The following CSMD1 variants were observed in gnomAD, a reference collection of about 807,000 sequenced individuals.
CSMD1 encodes CUB and sushi domain-containing protein 1.
In CSMD1, 213 loss-of-function variants were observed where a neutral mutation model predicts 417.5. The ratio of observed to expected loss-of-function variants is 0.51; its 90% confidence interval spans 0.46 to 0.57. CSMD1 has a LOEUF of 0.57. CSMD1 is among the 20% of genes least tolerant of loss of function. The pLI, the probability that CSMD1 is intolerant of heterozygous loss-of-function variation, is 0.00. For missense variants in CSMD1, 6,923 were observed against 4,529.7 expected (o/e 1.53, Z -15.17); for synonymous variants, 2,862 against 1,736.8 (o/e 1.65, Z -16.11).
chr8:3,636,575 G>T (rs1032751134), intron 7 of CSMD1, among the ~76,000 whole-genome samples: 7 of 152,114 alleles, frequency 4.6e-5, no homozygotes, highest in African/African-American at 1.7e-4. Context: ...ACTTTATGCT[G>T]GTCATGAAAC....
At chr8:4,936,351 C>T (rs989413019) in intron 1 of CSMD1, among the ~76,000 whole-genome samples, 7 of 152,062 alleles carry the variant, frequency 4.6e-5, no homozygotes, top group South Asian at 2.1e-4. Flanking sequence ...AATAGTAAAT[C>T]GGCCTGGTTA....
At chr8:3,636,192 T>C (rs1645700268) in intron 7 of CSMD1, among the ~76,000 whole-genome samples, 1 of 152,216 alleles carries the variant, frequency 6.6e-6, no homozygotes, top group Non-Finnish European at 1.5e-5. Context: ...TCTTTGCATC[T>C]TGTCCCATTG....
intron 5 of CSMD1, among the ~76,000 whole-genome samples, chr8:3,933,464 C>G (rs1301101307): frequency 6.6e-6 from 1 of 152,090 alleles, no homozygotes; most frequent in African/African-American, 2.4e-5. Context: ...CATCTTCACT[C>G]CCACCCACTC....
chr8:4,021,006 T>C (rs1049898241), intron 4 of CSMD1, among the ~76,000 whole-genome samples: 9 of 152,164 alleles, frequency 5.9e-5, no homozygotes, highest in African/African-American at 2.2e-4. Flanking sequence ...TTAAACTGCA[T>C]CTATTTATTA....
chr8:3,770,043 G>A (rs918946459), intron 5 of CSMD1, among the ~76,000 whole-genome samples: 5 of 152,108 alleles, frequency 3.3e-5, no homozygotes, highest in Admixed American at 3.3e-4. Context: ...CCTTTGCTGT[G>A]ATTCCTGATC....
chr8:4,443,611 G>C (rs1044090844), intron 2 of CSMD1, among the ~76,000 whole-genome samples: 1 of 152,112 alleles, frequency 6.6e-6, no homozygotes, highest in Non-Finnish European at 1.5e-5. Flanking sequence ...AGAAAACTTC[G>C]CATTCAAAGA....
chr8:4,483,430 T>A (rs911839066), intron 2 of CSMD1, among the ~76,000 whole-genome samples: 1 of 152,202 alleles, frequency 6.6e-6, no homozygotes, highest in African/African-American at 2.4e-5. Flanking sequence ...TAAAAACAAG[T>A]CATTACCATT....
chr8:3,387,173 G>C lies in CSMD1; in HGVS notation c.2782+321C>G, dbSNP rs1811053904. Among the ~76,000 whole-genome samples the C allele has an allele frequency of 2.0e-5, 3 of 152,182 alleles. No homozygotes were observed. The South Asian group carries it at 6.2e-4, about 31-fold the overall frequency. On this transcript the variant is annotated intron_variant, in intron 18 of 69. Coordinates refer to ENST00000635120, the MANE Select transcript of CSMD1 (RefSeq NM_033225.6). ...GGGGAAAATCAGGTCTGACATCCTA[G>C]GATATGTGTGGCGACTATACCGCCC... is the stretch of plus-strand genomic sequence containing the variant.
intron 4 of CSMD1, among the ~76,000 whole-genome samples, chr8:4,007,190 A>C (rs1407272394): frequency 6.6e-6 from 1 of 152,104 alleles, no homozygotes; most frequent in African/African-American, 2.4e-5. Flanking sequence ...ACTTTCATAG[A>C]ACATGCCTTC....
intron 5 of CSMD1, among the ~76,000 whole-genome samples, chr8:3,798,008 A>T (rs1800255237): frequency 6.6e-6 from 1 of 151,930 alleles, no homozygotes; most frequent in African/African-American, 2.4e-5. Flanking sequence ...AAGATTATTG[A>T]TGTTGATAAA....
chr8:4,729,777 G>T (rs1225661444), intron 1 of CSMD1, among the ~76,000 whole-genome samples: 2 of 152,240 alleles, frequency 1.3e-5, no homozygotes, highest in South Asian at 2.1e-4. Flanking sequence ...TTAACACATG[G>T]ATCTATGTAT....
intron 68 of CSMD1, among the ~76,000 whole-genome samples, chr8:2,947,334 A>G (rs938356518): frequency 2.6e-5 from 4 of 152,212 alleles, no homozygotes; most frequent in African/African-American, 9.6e-5. Context: ...GAAAATTAGG[A>G]GGTTATTTTT....
intron 23 of CSMD1, among the ~76,000 whole-genome samples, chr8:3,340,447 A>G (rs988174054): frequency 1.3e-5 from 2 of 152,204 alleles, no homozygotes; most frequent in African/African-American, 2.4e-5. Context: ...CTACTCATGT[A>G]TATGCATTAA....
intron 5 of CSMD1, among the ~76,000 whole-genome samples, chr8:3,901,659 T>G (rs1350180495): frequency 6.6e-6 from 1 of 152,228 alleles, no homozygotes; most frequent in Non-Finnish European, 1.5e-5. Flanking sequence ...CCAATTTATG[T>G]TCACAGAATG....
intron 23 of CSMD1, among the ~76,000 whole-genome samples, chr8:3,324,288 AC>A (rs1806365695): frequency 7.4e-6 from 1 of 135,996 alleles, no homozygotes; most frequent in African/African-American, 2.8e-5. Flanking sequence ...GCCACACCTA[AC>A]CCCTGAGACC....
At chr8:4,674,985 T>C (rs1479331921) in intron 1 of CSMD1, among the ~76,000 whole-genome samples, 1 of 152,126 alleles carries the variant, frequency 6.6e-6, no homozygotes, top group Non-Finnish European at 1.5e-5. Context: ...GAGGCAGCTG[T>C]CTCCAAACCA....
intron 1 of CSMD1, among the ~76,000 whole-genome samples, chr8:4,866,279 G>T (rs1001053525): frequency 1.3e-5 from 2 of 151,950 alleles, no homozygotes; most frequent in African/African-American, 2.4e-5. Context: ...TTGGTTCTTA[G>T]TACTCTTGCA....
intron 5 of CSMD1, among the ~76,000 whole-genome samples, chr8:3,851,384 A>T (rs1485689906): frequency 6.6e-6 from 1 of 152,216 alleles, no homozygotes; most frequent in Non-Finnish European, 1.5e-5. Context: ...CACTTTTGTT[A>T]TCTCTTTTGG....
Position 3,106,717 on chromosome 8 carries a change from C to G in CSMD1, c.6836-76G>C, listed in dbSNP as rs1816173485. 5.7e-6 allele frequency: 4 copies of G among 703,614 alleles called. No individual in the cohort carries two copies. In the South Asian group the frequency reaches 8.2e-5, roughly 14 times the overall value. 43.6% of individuals were successfully genotyped at this position (703,614 alleles called of 1,614,324 possible). A position where few individuals can be genotyped will look rare whatever the true frequency, so the allele number is the denominator to read the frequency against. ...GTGTGAAGGTGTGACACATGTAGGA[C>G]TACTTAAATGAATTAAATCAACTTG... On this transcript the variant is annotated intron_variant, in intron 45 of 69. Coordinates refer to ENST00000635120, the MANE Select transcript of CSMD1 (RefSeq NM_033225.6).
Sources: gnomAD v4.1 joint callset for allele counts (sites outside exome capture counted in the v4.1 genomes callset) on GRCh38, gnomAD v4.1.1 for gene constraint, MANE v1.5 for transcripts, NCBI Gene and HGNC (gene_info 2026-07-23, HGNC 2026-07-21) for gene names.